NFIC: variants seen among roughly 807,000 people sequenced by gnomAD.
NFIC encodes the protein nuclear factor 1 C-type.
NFIC carries 12 observed loss-of-function variants against 54.4 expected under a neutral mutation model. The observed-to-expected ratio is 0.22, with a 90% CI of 0.14 to 0.36. The LOEUF (loss-of-function observed/expected upper bound fraction) is 0.36. Among genes scored for constraint, NFIC ranks in the 10% least tolerant of loss-of-function variants. The probability of loss-of-function intolerance (pLI) is 1.00; values close to 1 mark genes in which losing one functional copy is unlikely to be tolerated. For missense variants in NFIC, 575 were observed against 718.2 expected (o/e 0.80, Z 2.28); for synonymous variants, 322 against 319.2 (o/e 1.01, Z -0.09).
rs187627914 is a variant in NFIC, at chr19:3,438,974, C to G, written c.958+3767C>G. Among the ~76,000 whole-genome samples the G allele has an allele frequency of 7.2e-4, 109 of 152,120 alleles. 2 individuals are homozygous for G. In the East Asian group the frequency reaches 0.019, roughly 27 times the overall value. ...CTTGGAAGAAAAGGGAGGACCTCCC[C>G]GAGGAGGAGAATCAGGCTGACAGAG... On this transcript the variant is annotated intron_variant, in intron 6 of 10. Coordinates refer to ENST00000443272, the MANE Select transcript of NFIC (RefSeq NM_001245002.2).
Position 3,463,967 on chromosome 19 carries a change from A to G in NFIC, c.*1198A>G, listed in dbSNP as rs1437508678. 1 of 982,710 alleles carries G rather than the reference A, an allele frequency of 1.0e-6. No homozygotes were observed. Among genetic ancestry groups the G allele is most frequent in the Non-Finnish European group, 1.2e-6 (1 of 829,310 alleles). 60.9% of individuals were successfully genotyped at this position (982,710 alleles called of 1,614,324 possible). ...AACCCTCATCGCCGTGCCCCCCCAG[A>G]GCTAGAGAGATGGGGCCCCTGCGTG... On this transcript the variant is annotated 3_prime_UTR_variant, in exon 11 of 11. Coordinates refer to ENST00000443272, the MANE Select transcript of NFIC (RefSeq NM_001245002.2).
chr19:3,394,939 C>T (rs1177594004), intron 2 of NFIC, among the ~76,000 whole-genome samples: 1 of 152,084 alleles, frequency 6.6e-6, no homozygotes, highest in African/African-American at 2.4e-5. Flanking sequence ...TCCATGAAAT[C>T]GGTCCCTGGG....
rs370450675 is a variant in NFIC at position 3,375,498 on chromosome 19, C to T, written c.31-6214C>T. Among the ~76,000 whole-genome samples, 14 of 152,182 alleles carry T rather than the reference C, an allele frequency of 9.2e-5. No individual in the cohort carries two copies. The highest frequency in any genetic ancestry group is 2.0e-4 in the Admixed American group (3 of 15,274). On this transcript the variant is annotated intron_variant, in intron 1 of 10. Coordinates refer to ENST00000443272, the MANE Select transcript of NFIC (RefSeq NM_001245002.2). This position sits in a 1 kb window ranked among gnomAD's most constrained non-coding sequence, Gnocchi z 4.6. The stretch of plus-strand genomic sequence containing the variant: ...GGTCTCATCCAGTCAGGGGCAGGGA[C>T]GAGATTGGACAGGGCCTGGGCCGGG...
chr19:3,426,583 C>T (rs2082030850), intron 3 of NFIC, among the ~76,000 whole-genome samples: 1 of 152,182 alleles, frequency 6.6e-6, no homozygotes, highest in Non-Finnish European at 1.5e-5. Context: ...CTCCTCTGCG[C>T]ACAGCCATCC....
At position 3,369,772 on chromosome 19, in the gene NFIC, C is replaced by T. The variant is rs556364882; in HGVS notation, c.30+3106C>T. On this transcript the variant is annotated intron_variant, in intron 1 of 10. Coordinates refer to ENST00000443272, the MANE Select transcript of NFIC (RefSeq NM_001245002.2). The surrounding 1 kb of genome is among the most constrained non-coding windows in gnomAD (Gnocchi z 4.3). Reference sequence around the variant, plus strand: ...CCCTGCCTCCCTCCCGCTGGCGCCACCGCCACGTTAGTTATTCCGGGTTTG... The same window carrying T: ...CCCTGCCTCCCTCCCGCTGGCGCCATCGCCACGTTAGTTATTCCGGGTTTG... Among the ~76,000 whole-genome samples, 1 of 152,338 alleles carries T rather than the reference C, an allele frequency of 6.6e-6. No individual in the cohort carries two copies. Among genetic ancestry groups the T allele is most frequent in the East Asian group, 1.9e-4 (1 of 5,184 alleles).
chr19:3,445,319 C>T (rs2082359456), intron 6 of NFIC, among the ~76,000 whole-genome samples: 1 of 152,234 alleles, frequency 6.6e-6, no homozygotes, highest in African/African-American at 2.4e-5. Context: ...CCTGGAAAAG[C>T]CCGGGCCTGG....
rs1316013729 is a variant in NFIC, at chr19:3,453,392, G to A, written c.1270-371G>A. On this transcript the variant is annotated intron_variant, in intron 8 of 10. Coordinates refer to ENST00000443272, the MANE Select transcript of NFIC (RefSeq NM_001245002.2). This position sits in a 1 kb window ranked among gnomAD's most constrained non-coding sequence, Gnocchi z 6.7. ...GGACTTTGGAACCACGGGCCAGGCC[G>A]TGGATGATGGTGGATGATGGCGTGC... Among the ~76,000 whole-genome samples the A allele has an allele frequency of 2.6e-5, 4 of 152,246 alleles. No homozygotes were observed. Among genetic ancestry groups the A allele is most frequent in the East Asian group, 1.9e-4 (1 of 5,200 alleles).
chr19:3,368,644 C>T (rs1243007352), intron 1 of NFIC, among the ~76,000 whole-genome samples: 2 of 152,190 alleles, frequency 1.3e-5, no homozygotes, highest in East Asian at 3.9e-4. Context: ...CGCCCTCCAC[C>T]CCAGCCCTGT....
chr19:3,387,043 C>G (rs1320874195), intron 2 of NFIC, among the ~76,000 whole-genome samples: 1 of 152,190 alleles, frequency 6.6e-6, no homozygotes, highest in East Asian at 1.9e-4. Flanking sequence ...CAGTGTCTGG[C>G]TTTCATCAGC....
chr19:3,464,047 C>T lies in NFIC; in HGVS notation c.*1278C>T, dbSNP rs913095509. On this transcript the variant is annotated 3_prime_UTR_variant, in exon 11 of 11. Coordinates refer to ENST00000443272, the MANE Select transcript of NFIC (RefSeq NM_001245002.2). ...GCAAGCGTCCTGCCCTGCCGGGGCGCGGGGGTGGGCTCTGGGGAAGCCGGT... is the reference window on the plus strand; with the variant it reads ...GCAAGCGTCCTGCCCTGCCGGGGCGTGGGGGTGGGCTCTGGGGAAGCCGGT... The T allele has an allele frequency of 2.1e-5, 21 of 985,216 alleles. No individual in the cohort carries two copies. In the South Asian group the frequency reaches 5.6e-4, roughly 26 times the overall value. 61.0% of individuals were successfully genotyped at this position (985,216 alleles called of 1,614,324 possible). A position where few individuals can be genotyped will look rare whatever the true frequency, so the allele number is the denominator to read the frequency against.
At chr19:3,393,343 G>A (rs1400978279) in intron 2 of NFIC, among the ~76,000 whole-genome samples, 1 of 152,000 alleles carries the variant, frequency 6.6e-6, no homozygotes, top group Non-Finnish European at 1.5e-5. Flanking sequence ...AGGGAGAAGG[G>A]GGTTCTGAGG....
chr19:3,365,985 G>A (rs2080875433), upstream of NFIC, among the ~76,000 whole-genome samples: 2 of 152,122 alleles, frequency 1.3e-5, no homozygotes, highest in African/African-American at 4.8e-5. Flanking sequence ...ACATCTTTAA[G>A]GGGAAAGAGG....
chr19:3,387,774 C>T (rs2145493200), intron 2 of NFIC, among the ~76,000 whole-genome samples: 1 of 151,844 alleles, frequency 6.6e-6, no homozygotes, highest in South Asian at 2.1e-4. Context: ...GAGGGCCGTC[C>T]TGTGGCCTTC....
At position 3,453,285 on chromosome 19, in the gene NFIC, T is replaced by G. The variant is rs185871453; in HGVS notation, c.1270-478T>G. Among the ~76,000 whole-genome samples, 299 of 151,966 alleles carry G rather than the reference T, an allele frequency of 2.0e-3. No individual in the cohort carries two copies. Among genetic ancestry groups the G allele is most frequent in the Non-Finnish European group, 3.3e-3 (227 of 67,946 alleles). On this transcript the variant is annotated intron_variant, in intron 8 of 10. Coordinates refer to ENST00000443272, the MANE Select transcript of NFIC (RefSeq NM_001245002.2). The surrounding 1 kb of genome is among the most constrained non-coding windows in gnomAD (Gnocchi z 6.7). ...GGGCGGGGGGCAGGAAGACATTGAT[T>G]ACAAAAAAACCACCAAACTCAGTTC...
intron 2 of NFIC, among the ~76,000 whole-genome samples, chr19:3,412,401 T>G (rs1333196199): frequency 6.6e-6 from 1 of 152,186 alleles, no homozygotes; most frequent in African/African-American, 2.4e-5. Flanking sequence ...TGTGCCACCA[T>G]GCCCAGCTAA....
chr19:3,433,951 G>C (rs551946671), intron 4 of NFIC, among the ~76,000 whole-genome samples: 1 of 151,924 alleles, frequency 6.6e-6, no homozygotes, highest in Non-Finnish European at 1.5e-5. Context: ...AGCACATTCC[G>C]TCACACACTG....
chr19:3,380,216 G>A lies in NFIC; in HGVS notation c.31-1496G>A, dbSNP rs375851666. ...AGACGGGGTTTCACTGTGTTAGCCA[G>A]GATGGTCTCAATCTCCTGACCTCGT... On this transcript the variant is annotated intron_variant, in intron 1 of 10. Transcript: ENST00000443272. Among the ~76,000 whole-genome samples the A allele has an allele frequency of 1.6e-4, 24 of 148,912 alleles. 1 individual carries two copies. In the East Asian group the frequency reaches 4.4e-3, roughly 27 times the overall value.
chr19:3,380,196 G>A (rs1461077285), intron 1 of NFIC, among the ~76,000 whole-genome samples: 3 of 150,608 alleles, frequency 2.0e-5, no homozygotes, highest in East Asian at 1.9e-4. Flanking sequence ...AGTAGAGACG[G>A]GGTTTCACTG....
intron 2 of NFIC, among the ~76,000 whole-genome samples, chr19:3,393,538 G>C (rs1162206658): frequency 6.6e-6 from 1 of 151,982 alleles, no homozygotes; most frequent in East Asian, 1.9e-4. Flanking sequence ...ATGTTGGCTG[G>C]GCGTGGTGGC....
Sources: allele counts gnomAD v4.1 joint callset (sites outside exome capture counted in the v4.1 genomes callset), GRCh38; gene constraint gnomAD v4.1.1; non-coding constraint Gnocchi (gnomAD v3.1); transcripts MANE v1.5; gene names NCBI Gene and HGNC (gene_info 2026-07-23, HGNC 2026-07-21).